RTN3: variants seen among roughly 807,000 people sequenced by gnomAD.
The protein encoded by RTN3 is reticulon 3, also known as reticulon-3.
A neutral mutation model predicts 77.8 loss-of-function variants in RTN3; 49 were observed. That is an observed-to-expected ratio of 0.63 (90% confidence interval 0.50 to 0.80). The LOEUF (loss-of-function observed/expected upper bound fraction) is 0.80, where lower values mean the gene tolerates loss of function less well. Among genes scored for constraint, RTN3 ranks in the 30% least tolerant of loss-of-function variants. RTN3 has a pLI of 0.00. For missense variants in RTN3, 1,236 were observed against 1,211.9 expected, an observed-to-expected ratio of 1.02 and a Z score of -0.29; for synonymous variants, 464 against 446.9, an observed-to-expected ratio of 1.04 and a Z score of -0.48.
intron 3 of RTN3, among the ~76,000 whole-genome samples, chr11:63,730,453 G>A (rs1315446854): frequency 1.3e-5 from 2 of 152,252 alleles, no homozygotes; most frequent in South Asian, 2.1e-4. Context: ...TTATAAGTGT[G>A]TATGTGCCTA....
chr11:63,717,588 C>T (rs1344292404), intron 2 of RTN3, among the ~76,000 whole-genome samples: 1 of 151,504 alleles, frequency 6.6e-6, no homozygotes, highest in East Asian at 2.0e-4. Flanking sequence ...TGAGGTTTCA[C>T]CATTTTGGTC....
chr11:63,696,877 CTTTCTTTTT>C (rs1437927475), intron 1 of RTN3, among the ~76,000 whole-genome samples: 8 of 52,248 alleles, frequency 1.5e-4, no homozygotes, highest in Admixed American at 3.5e-4. Flanking sequence ...TTCTTTCTTT[CTTTCTTTTT>C]TTTTTTTTTT....
chr11:63,720,076 TTTCCA>T lies in RTN3; in HGVS notation c.1580_1584del (p.Ile527LysfsTer8), dbSNP rs2011644960. 6.2e-7 allele frequency: 1 copy of T among 1,613,832 alleles called. No homozygotes were observed. Among genetic ancestry groups the T allele is most frequent in the African/African-American group, 1.3e-5 (1 of 74,900 alleles). ...AACAAAATTCAGGCTGAAAAACCTGTTTCCATTCCAAGTGCTGTTGTAAAAACAGG... is the reference window on the plus strand; with the variant it reads ...AACAAAATTCAGGCTGAAAAACCTGTTTCCAAGTGCTGTTGTAAAAACAGG... On this transcript the variant is annotated frameshift_variant, in exon 3 of 9. Transcript: ENST00000377819. LOFTEE classifies it high-confidence loss of function.
intron 1 of RTN3, among the ~76,000 whole-genome samples, chr11:63,699,558 T>TAAGG (rs1416318685): frequency 1.3e-5 from 2 of 152,182 alleles, no homozygotes; most frequent in African/African-American, 4.8e-5. Context: ...CTAAAACACG[T>TAAGG]GATATTGTCA....
intron 1 of RTN3, among the ~76,000 whole-genome samples, chr11:63,685,128 C>T (rs1338772833): frequency 6.6e-6 from 1 of 152,110 alleles, no homozygotes; most frequent in Non-Finnish European, 1.5e-5. Flanking sequence ...AGCACTAATA[C>T]AGTTTTGGTG....
intron 7 of RTN3, among the ~76,000 whole-genome samples, chr11:63,755,849 C>T (rs1462251131): frequency 2.6e-5 from 4 of 151,494 alleles, no homozygotes; most frequent in Non-Finnish European, 4.4e-5. Context: ...GTCCCAGCTA[C>T]TCGGGAGGCT....
chr11:63,729,407 T>G (rs2012516998), intron 3 of RTN3, among the ~76,000 whole-genome samples: 1 of 150,780 alleles, frequency 6.6e-6, no homozygotes, highest in South Asian at 2.1e-4. Context: ...AAAACGAGTA[T>G]ATGGACTGTA....
intron 1 of RTN3, among the ~76,000 whole-genome samples, chr11:63,693,568 G>A (rs529428528): frequency 2.0e-5 from 3 of 152,126 alleles, no homozygotes; most frequent in African/African-American, 7.2e-5. Context: ...AAGAACATTT[G>A]GTTTTTGAAA....
chr11:63,741,182 T>C lies in RTN3; in HGVS notation c.2531-8809T>C, dbSNP rs140836756. On this transcript the variant is annotated intron_variant, in intron 3 of 8. Transcript: ENST00000377819. ...AGGGGTGAAATAATCTTTATTTTAT[T>C]ATAGTTATTTATTTATTTATTTATT... 9.2e-3 allele frequency among the ~76,000 whole-genome samples: 1,398 copies of C among 151,844 alleles called. 7 individuals are homozygous for C. Among genetic ancestry groups the C allele is most frequent in the Non-Finnish European group, 0.014 (975 of 67,962 alleles).
At position 63,758,250 on chromosome 11, in the gene RTN3, TTATA is replaced by T. The variant is rs770078628; in HGVS notation, c.*50_*53del. ...CAGTTACTAAAACACCATTTAATAGTTATAACGTCGTTACTTGTACTATGAAGGA... is the reference window on the plus strand; with the variant it reads ...CAGTTACTAAAACACCATTTAATAGTACGTCGTTACTTGTACTATGAAGGA... On this transcript the variant is annotated 3_prime_UTR_variant, in exon 9 of 9. Transcript: ENST00000377819. The T allele has an allele frequency of 1.2e-5, 19 of 1,613,798 alleles. 1 individual carries two copies. The South Asian group carries it at 2.1e-4, about 18-fold the overall frequency.
At position 63,750,193 on chromosome 11, in the gene RTN3, A is replaced by G. The variant is rs1197603041; in HGVS notation, c.2733A>G (p.Pro911=). Residue 911 remains proline (P), a synonymous_variant, in exon 4 of 9, where the codon CCA becomes CCG. Transcript: ENST00000377819. ...QAVQKSEEGH[P]FKAYLDVDIT... ...TACAGAAGTCAGAAGAAGGCCATCC[A>G]TTCAAGTGAGTTGAAGTCTTAAAAG... 1.9e-6 allele frequency: 3 copies of G among 1,611,012 alleles called. No individual in the cohort carries two copies. The highest frequency in any genetic ancestry group is 1.1e-5 in the South Asian group (1 of 90,406).
rs537482248 is a variant in RTN3 at position 63,691,576 on chromosome 11, C to A, written c.142+9798C>A. ...CTGTCCCAATCTTTCCTTTTAAGTT[C>A]GTTCTTCTCACAGTCTTCTCAATCT... is the stretch of plus-strand genomic sequence containing the variant. On this transcript the variant is annotated intron_variant, in intron 1 of 8. Coordinates refer to ENST00000377819, the MANE Select transcript of RTN3 (RefSeq NM_001265589.2). 9.2e-5 allele frequency among the ~76,000 whole-genome samples: 14 copies of A among 152,116 alleles called. No individual in the cohort carries two copies. In the South Asian group the frequency reaches 2.5e-3, roughly 27 times the overall value.
intron 3 of RTN3, among the ~76,000 whole-genome samples, chr11:63,734,781 A>ACACACACACCCCCCC (rs778043704): frequency 4.8e-5 from 5 of 104,998 alleles, no homozygotes; most frequent in African/African-American, 1.9e-4. Context: ...ACACACACAC[A>ACACACACACCCCCCC]CCATACTGGA....
intron 3 of RTN3, chr11:63,747,169 G>A: frequency 2.6e-6 from 1 of 378,540 alleles, no homozygotes. Context: ...GAATACCATA[G>A]AAGTGATGTT....
At chr11:63,691,410 T>C (rs1293323490) in intron 1 of RTN3, among the ~76,000 whole-genome samples, 1 of 152,110 alleles carries the variant, frequency 6.6e-6, no homozygotes, top group Non-Finnish European at 1.5e-5. Flanking sequence ...TGTGAGCTAC[T>C]GCGTCCGACC....
intron 3 of RTN3, among the ~76,000 whole-genome samples, chr11:63,744,598 A>G (rs1225362589): frequency 6.6e-6 from 1 of 152,138 alleles, no homozygotes; most frequent in Non-Finnish European, 1.5e-5. Context: ...ATCTTATGGG[A>G]CTACAGTCAT....
chr11:63,695,079 T>G lies in RTN3; in HGVS notation c.143-9772T>G, dbSNP rs1281440296. Among the ~76,000 whole-genome samples the G allele has an allele frequency of 7.2e-5, 11 of 152,270 alleles. No homozygotes were observed. In the South Asian group the frequency reaches 8.3e-4, roughly 11 times the overall value. ...CTAAATCTAAAAATCTCTTAGAGTTTGGGTTTCAGCAAACATTTATGAAGC... is the reference window on the plus strand; with the variant it reads ...CTAAATCTAAAAATCTCTTAGAGTTGGGGTTTCAGCAAACATTTATGAAGC... On this transcript the variant is annotated intron_variant, in intron 1 of 8. Coordinates refer to ENST00000377819, the MANE Select transcript of RTN3 (RefSeq NM_001265589.2).
At chr11:63,687,108 C>T (rs891351691) in intron 1 of RTN3, among the ~76,000 whole-genome samples, 4 of 152,262 alleles carry the variant, frequency 2.6e-5, no homozygotes, top group East Asian at 3.9e-4. Flanking sequence ...ATGTGGCCCC[C>T]GTCCAACACT....
rs1555078435 is a variant in RTN3 at position 63,736,989 on chromosome 11, T to TCC, written c.2531-13000_2531-12999dup. Among the ~76,000 whole-genome samples the TCC allele has an allele frequency of 6.5e-3, 987 of 150,706 alleles. 11 individuals carry two copies. The highest frequency in any genetic ancestry group is 0.023 in the African/African-American group (934 of 41,134). On this transcript the variant is annotated intron_variant, in intron 3 of 8. Transcript: ENST00000377819. The stretch of plus-strand genomic sequence containing the variant: ...CATAGAATCCTTTTTTTTTTTTTTT[T>TCC]CCCTGTGATAGGGTCTTGCTCTGTT...
Sources: gnomAD v4.1 joint callset for allele counts (sites outside exome capture counted in the v4.1 genomes callset) on GRCh38, gnomAD v4.1.1 for gene constraint, MANE v1.5 for transcripts, NCBI Gene and HGNC (gene_info 2026-07-23, HGNC 2026-07-21) for gene names.